Variants in IFNLR1 observed in about 807,000 individuals in gnomAD.
IFNLR1 encodes CRF2-12.
Under a neutral mutation model 52.5 loss-of-function variants are expected in IFNLR1, and 28 were observed. The observed-to-expected ratio is 0.53, with a 90% CI of 0.40 to 0.73. IFNLR1 has a LOEUF of 0.73. Among genes scored for constraint, IFNLR1 ranks in the 30% least tolerant of loss-of-function variants. The probability of loss-of-function intolerance (pLI) is 0.00; values close to 1 mark genes in which losing one functional copy is unlikely to be tolerated. For missense variants in IFNLR1, 623 were observed against 659.1 expected (o/e 0.95, Z 0.60); for synonymous variants, 276 against 274.9 (o/e 1.00, Z -0.04).
At chr1:24,174,143 CAG>C (rs1218576009) in intron 2 of IFNLR1, among the ~76,000 whole-genome samples, 2 of 152,172 alleles carry the variant, frequency 1.3e-5, no homozygotes, top group Admixed American at 6.5e-5. Context: ...TGAACACACA[CAG>C]AGAAAAAGCC....
intron 1 of IFNLR1, among the ~76,000 whole-genome samples, chr1:24,181,863 A>G (rs141064585): frequency 6.6e-6 from 1 of 152,292 alleles, no homozygotes; most frequent in East Asian, 1.9e-4. Flanking sequence ...ACCCCCAGCC[A>G]TGGGTTAGAC....
At chr1:24,186,689 A>G (rs1173704812) in intron 1 of IFNLR1, among the ~76,000 whole-genome samples, 1 of 151,166 alleles carries the variant, frequency 6.6e-6, no homozygotes, top group Non-Finnish European at 1.5e-5. Flanking sequence ...CAACAACAAC[A>G]AAACAACAAC....
intron 2 of IFNLR1, among the ~76,000 whole-genome samples, chr1:24,171,973 A>T (rs1241115016): frequency 6.6e-6 from 1 of 151,940 alleles, no homozygotes; most frequent in Non-Finnish European, 1.5e-5. Flanking sequence ...AGCTAATTTT[A>T]AAAAAATATT....
At chr1:24,167,688 T>TTTTA (rs895082287) in intron 3 of IFNLR1, among the ~76,000 whole-genome samples, 18 of 142,614 alleles carry the variant, frequency 1.3e-4, no homozygotes, top group Middle Eastern at 4.5e-3. Context: ...GCTGGCCTCT[T>TTTTA]TTTATTTATT....
intron 3 of IFNLR1, among the ~76,000 whole-genome samples, chr1:24,168,685 C>A (rs10903041): frequency 0.97 from 147,012 of 151,762 alleles, 71,349 homozygotes; most frequent in Non-Finnish European, 1. Context: ...ACCCCCCCAC[C>A]CCCCACAAAT....
At chr1:24,159,451 T>A (rs4649195) in intron 5 of IFNLR1, 23 bp downstream of exon 5, 1 of 1,611,196 alleles carries the variant, frequency 6.2e-7, no homozygotes, top group Non-Finnish European at 8.5e-7. Context: ...AAAGTTTCTC[T>A]TTCTGCACCA....
chr1:24,179,195 C>T (rs1557652329), intron 2 of IFNLR1, among the ~76,000 whole-genome samples: 2 of 151,960 alleles, frequency 1.3e-5, no homozygotes, highest in Non-Finnish European at 2.9e-5. Flanking sequence ...GCAATCTCCC[C>T]ACCCACCTCG....
At chr1:24,162,771 TCTTTCTTTTTCTTTCTTTTTC>T (rs1644463873) in intron 3 of IFNLR1, among the ~76,000 whole-genome samples, 2 of 39,706 alleles carry the variant, frequency 5.0e-5, no homozygotes, top group Admixed American at 2.7e-4. Flanking sequence ...TTTCTTTCTT[TCTTTCTTTTTCTTTCTTTTTC>T]TTTCTTTCTT....
intron 4 of IFNLR1, 174 bp downstream of exon 4, chr1:24,161,368 T>C: frequency 1.5e-6 from 1 of 688,146 alleles, no homozygotes; most frequent in East Asian, 2.8e-5. Flanking sequence ...AGGCCTCCTG[T>C]AGGTCATCAT....
chr1:24,157,827 T>G lies in IFNLR1; in HGVS notation c.866A>C (p.Asp289Ala), dbSNP rs1280469592. The G allele has an allele frequency of 6.2e-7, 1 of 1,613,460 alleles. No individual in the cohort carries two copies. The highest frequency in any genetic ancestry group is 1.3e-5 in the African/African-American group (1 of 74,890). ...FQPSRPESVN[D>A]LFLCPQKELT... ...TTCCTTTTGGGGACAGAGGAACAAG[T>G]CATTCACGGACTCTGGTCTGCTGGG... is the stretch of plus-strand genomic sequence containing the variant. Residue 289 changes from aspartate (D) to alanine (A), a missense_variant, in exon 7 of 7, where the codon GAC becomes GCC. Coordinates refer to ENST00000327535, the MANE Select transcript of IFNLR1 (RefSeq NM_170743.4). This position sits in a 1 kb window ranked among gnomAD's most constrained non-coding sequence, Gnocchi z 5.1.
chr1:24,157,143 T>C lies in IFNLR1; in HGVS notation c.1550A>G (p.Tyr517Cys). Reference protein sequence around the residue: ...TEDRGRTLGHYMAR With the variant: ...TEDRGRTLGHCMAR ...TCGGGGGACAGCTCACCTGGCCATG[T>C]AATGCCCCAATGTCCGGCCCCTGTC... is the stretch of plus-strand genomic sequence containing the variant. The change falls in exon 7 of 7, where the codon TAC becomes TGC. Residue 517 changes from tyrosine to cysteine, a missense_variant. By Grantham distance (194) the Tyr-to-Cys change is radical (BLOSUM62 -2). Transcript: ENST00000327535. The surrounding 1 kb of genome is among the most constrained non-coding windows in gnomAD (Gnocchi z 5.1). 1 of 1,610,608 alleles carries C rather than the reference T, an allele frequency of 6.2e-7. No homozygotes were observed. The highest frequency in any genetic ancestry group is 2.2e-5 in the East Asian group (1 of 44,866).
chr1:24,158,287 T>C (rs370164743), intron 6 of IFNLR1, among the ~76,000 whole-genome samples: 108 of 152,284 alleles, frequency 7.1e-4, no homozygotes, highest in Middle Eastern at 3.4e-3. Flanking sequence ...AGAAAGCCCA[T>C]TGGGTGCAGG....
chr1:24,162,876 T>TCTCC (rs1644474541), intron 3 of IFNLR1, among the ~76,000 whole-genome samples: 12 of 22,582 alleles, frequency 5.3e-4, no homozygotes, highest in Non-Finnish European at 8.0e-4. Flanking sequence ...TCTTTCTTTC[T>TCTCC]TTCCTTCCTT....
At chr1:24,179,452 A>C (rs2148602100) in intron 2 of IFNLR1, among the ~76,000 whole-genome samples, 1 of 152,300 alleles carries the variant, frequency 6.6e-6, no homozygotes, top group Admixed American at 6.5e-5. Context: ...AGTAAATATT[A>C]GGTGTTTTCT....
chr1:24,169,350 G>A (rs1373283515), intron 3 of IFNLR1, 67 bp downstream of exon 3: 2 of 1,430,488 alleles, frequency 1.4e-6, no homozygotes, highest in Non-Finnish European at 1.9e-6. Context: ...CAGAACCACT[G>A]AGCACTGAGC....
intron 2 of IFNLR1, among the ~76,000 whole-genome samples, chr1:24,177,406 A>G (rs1425443415): frequency 6.6e-6 from 1 of 152,206 alleles, no homozygotes; most frequent in Non-Finnish European, 1.5e-5. Context: ...CCAGCAAACC[A>G]CTAACTTAAG....
At chr1:24,177,445 G>T (rs1398256040) in intron 2 of IFNLR1, among the ~76,000 whole-genome samples, 1 of 152,190 alleles carries the variant, frequency 6.6e-6, no homozygotes, top group African/African-American at 2.4e-5. Context: ...AAAAAACCCG[G>T]AGTGTGATGT....
rs1339334178 is a variant in IFNLR1 at position 24,159,726 on chromosome 1, GTTTTTTTTTTGTT to G, written c.511-106_511-94del. On this transcript the variant is annotated intron_variant, in intron 4 of 6. Coordinates refer to ENST00000327535, the MANE Select transcript of IFNLR1 (RefSeq NM_170743.4). ...GTGGGGTTGGCAGACATGGTAGGGT[GTTTTTTTTTTGTT>G]TTTTTTTTTTGTTTTTTTGTAGGGG... 1.4e-4 allele frequency: 104 copies of G among 762,708 alleles called. No homozygotes were observed. In the African/African-American group the frequency reaches 1.7e-3, roughly 12 times the overall value. The allele number at this position is 762,708 out of a possible 1,614,324, so 47.2% of individuals were successfully genotyped here. A position where few individuals can be genotyped will look rare whatever the true frequency, so the allele number is the denominator to read the frequency against.
At chr1:24,179,730 G>A (rs773970727) in intron 2 of IFNLR1, among the ~76,000 whole-genome samples, 3 of 152,180 alleles carry the variant, frequency 2.0e-5, no homozygotes, top group Non-Finnish European at 4.4e-5. Flanking sequence ...GGAGAAGGAA[G>A]TGAAATATTC....
Sources: gnomAD v4.1 joint callset for allele counts (sites outside exome capture counted in the v4.1 genomes callset) on GRCh38, gnomAD v4.1.1 for gene constraint, Gnocchi (gnomAD v3.1) non-coding constraint, MANE v1.5 for transcripts, NCBI Gene and HGNC (gene_info 2026-07-23, HGNC 2026-07-21) for gene names.